The following SCIN variants were observed in gnomAD, a reference collection of about 807,000 sequenced individuals.
The protein encoded by SCIN is scinderin.
In SCIN, 91 loss-of-function variants were observed where a neutral mutation model predicts 91.8. The observed-to-expected ratio is 0.99, with a 90% CI of 0.84 to 1.18. The LOEUF (loss-of-function observed/expected upper bound fraction) is 1.18. Among genes scored for constraint, SCIN ranks in the 50% most tolerant of loss-of-function variants. The probability of loss-of-function intolerance (pLI) is 0.00; values close to 1 mark genes in which losing one functional copy is unlikely to be tolerated. For synonymous variants in SCIN, 367 were observed against 312.6 expected (o/e 1.17, Z -1.84); for missense variants, 1,087 against 863.9 (o/e 1.26, Z -3.24).
rs763343929 is a variant in SCIN at position 12,625,128 on chromosome 7, T to C, written c.878T>C (p.Ile293Thr). The C allele has an allele frequency of 5.2e-5, 84 of 1,608,864 alleles. No homozygotes were observed. Among genetic ancestry groups the C allele is most frequent in the Non-Finnish European group, 7.0e-5 (82 of 1,177,938 alleles). Residue 293 changes from isoleucine to threonine, a missense_variant, in exon 6 of 16, where the codon ATT becomes ACT. Physicochemically the swap from Ile to Thr is moderately conservative, Grantham distance 89. Transcript: ENST00000297029. ...FILDHGAAKQ[I>T]FVWKGKDANP... ...TTGGACCACGGGGCTGCCAAACAAA[T>C]TTTCGTATGGAAAGGTAAAAAATTC...
At position 12,626,771 on chromosome 7, in the gene SCIN, T is replaced by C. The variant is rs1783533850; in HGVS notation, c.1169T>C (p.Met390Thr). The C allele has an allele frequency of 2.5e-6, 4 of 1,609,900 alleles. No homozygotes were observed. The highest frequency in any genetic ancestry group is 2.5e-6 in the Non-Finnish European group (3 of 1,178,120). Residue 390 changes from methionine to threonine, a missense_variant, in exon 8 of 16, where the codon ATG (methionine) becomes ACG (threonine). Met to Thr is a moderately conservative substitution (Grantham distance 81). Coordinates refer to ENST00000297029, the MANE Select transcript of SCIN (RefSeq NM_001112706.3). ...CCGCAGATGGCAGCCCAGCACAATATGGTGGATGATGGTTCTGGCAAAGTG... is the reference window on the plus strand; with the variant it reads ...CCGCAGATGGCAGCCCAGCACAATACGGTGGATGATGGTTCTGGCAAAGTG... ...SSPQMAAQHNMVDDGSGKVEI... is the reference protein window; with the variant it reads ...SSPQMAAQHNTVDDGSGKVEI...
chr7:12,646,625 G>A (rs1783971243), intron 13 of SCIN, among the ~76,000 whole-genome samples: 1 of 151,980 alleles, frequency 6.6e-6, no homozygotes, highest in African/African-American at 2.4e-5. Flanking sequence ...AAAAAAAAAA[G>A]TTATACTTTC....
rs1409508010 is a variant in SCIN at position 12,655,706 on chromosome 7, C to T, written c.*2991C>T. On this transcript the variant is annotated 3_prime_UTR_variant, in exon 16 of 16. Transcript: ENST00000297029. ...CATAGCACAGTATTACTTTTGTAAA[C>T]ATACACAAAAAATATTATATATTTG... 1.3e-5 allele frequency: 2 copies of T among 152,114 alleles called. No homozygotes were observed. Among genetic ancestry groups the T allele is most frequent in the African/African-American group, 4.8e-5 (2 of 41,452 alleles). 9.4% of individuals were successfully genotyped at this position (152,114 alleles called of 1,614,324 possible).
chr7:12,593,888 A>G (rs1782780845), intron 3 of SCIN, among the ~76,000 whole-genome samples: 1 of 152,212 alleles, frequency 6.6e-6, no homozygotes, highest in Non-Finnish European at 1.5e-5. Flanking sequence ...CTCTTCTGGA[A>G]GGAGGGTAGA....
chr7:12,598,074 C>T (rs1415197083), intron 3 of SCIN, among the ~76,000 whole-genome samples: 1 of 152,144 alleles, frequency 6.6e-6, no homozygotes, highest in Non-Finnish European at 1.5e-5. Context: ...GTTTGCTTTA[C>T]AATTTTCAGT....
chr7:12,583,224 G>T (rs1450482318), intron 3 of SCIN, among the ~76,000 whole-genome samples: 1 of 151,626 alleles, frequency 6.6e-6, no homozygotes, highest in Non-Finnish European at 1.5e-5. Flanking sequence ...CTATGATATT[G>T]GGCAACTCAT....
chr7:12,571,290 C>A, intron 1 of SCIN: 1 of 425,240 alleles, frequency 2.4e-6, no homozygotes, highest in Non-Finnish European at 4.3e-6. Context: ...GTCAAGTATC[C>A]AAACGCCACT....
Position 12,650,174 on chromosome 7 carries a change from C to G in SCIN, c.1959+630C>G, listed in dbSNP as rs185992001. Among the ~76,000 whole-genome samples, 391 of 152,254 alleles carry G rather than the reference C, an allele frequency of 2.6e-3. 1 individual carries two copies. Among genetic ancestry groups the G allele is most frequent in the African/African-American group, 9.1e-3 (378 of 41,562 alleles). ...TCTGAATTAGGCCTAGTCGTAGAGTCAAGCACAGAGATTGTTCCTTTTAAG... is the reference window on the plus strand; with the variant it reads ...TCTGAATTAGGCCTAGTCGTAGAGTGAAGCACAGAGATTGTTCCTTTTAAG... On this transcript the variant is annotated intron_variant, in intron 14 of 15. Transcript: ENST00000297029.
At chr7:12,634,128 C>T (rs906642357) in intron 9 of SCIN, among the ~76,000 whole-genome samples, 2 of 151,758 alleles carry the variant, frequency 1.3e-5, no homozygotes, top group South Asian at 2.1e-4. Context: ...TAATCTGTTC[C>T]GAGTATGGAA....
chr7:12,645,877 C>G (rs1783956916), intron 13 of SCIN, among the ~76,000 whole-genome samples: 1 of 152,204 alleles, frequency 6.6e-6, no homozygotes, highest in Non-Finnish European at 1.5e-5. Flanking sequence ...CCTGTGTGAG[C>G]ATGCAGTTGC....
At chr7:12,602,832 ATG>A in intron 3 of SCIN, among the ~76,000 whole-genome samples, 1 of 152,244 alleles carries the variant, frequency 6.6e-6, no homozygotes, top group Non-Finnish European at 1.5e-5. Context: ...GTTCAAACAC[ATG>A]TGTTTTACAA....
At chr7:12,597,781 T>C (rs531539587) in intron 3 of SCIN, among the ~76,000 whole-genome samples, 8 of 152,360 alleles carry the variant, frequency 5.3e-5, no homozygotes, top group African/African-American at 1.9e-4. Flanking sequence ...TCTCATTTCT[T>C]CCTTTTCCAA....
intron 3 of SCIN, among the ~76,000 whole-genome samples, chr7:12,592,979 C>T (rs1377331840): frequency 6.6e-6 from 1 of 152,190 alleles, no homozygotes; most frequent in East Asian, 1.9e-4. Flanking sequence ...GTGGCTAGGC[C>T]AAGGAGCTAT....
rs372057101 is a variant in SCIN at position 12,626,747 on chromosome 7, C to T, written c.1145C>T (p.Pro382Leu). The T allele has an allele frequency of 2.5e-5, 41 of 1,610,382 alleles. No individual in the cohort carries two copies. The highest frequency in any genetic ancestry group is 1.2e-4 in the Admixed American group (7 of 59,598). ...PFDASKLHSS[P>L]QMAAQHNMVD... ...GATGCCTCAAAATTACACAGTTCTC[C>T]GCAGATGGCAGCCCAGCACAATATG... Residue 382 changes from proline to leucine, a missense_variant, in exon 8 of 16, where the codon CCG (proline) becomes CTG (leucine). Physicochemically the swap from Pro to Leu is moderately conservative, Grantham distance 98. Transcript: ENST00000297029.
intron 3 of SCIN, among the ~76,000 whole-genome samples, chr7:12,591,097 A>G (rs912827090): frequency 1.3e-5 from 2 of 152,092 alleles, no homozygotes; most frequent in Non-Finnish European, 2.9e-5. Context: ...GGTTGGTGAG[A>G]GGCTCGGAGG....
At chr7:12,605,014 A>G (rs1783046442) in intron 4 of SCIN, among the ~76,000 whole-genome samples, 3 of 152,210 alleles carry the variant, frequency 2.0e-5, no homozygotes, top group Middle Eastern at 6.8e-3. Context: ...TCTTTCATCT[A>G]TTCATCTGGG....
intron 15 of SCIN, among the ~76,000 whole-genome samples, chr7:12,652,260 T>A (rs1043960544): frequency 2.0e-5 from 3 of 152,226 alleles, no homozygotes; most frequent in Non-Finnish European, 4.4e-5. Flanking sequence ...CAATTTTCCT[T>A]TTACTGAAAC....
In SCIN at chr7:12,644,321, T is replaced by G. The variant is rs1374991962; in HGVS notation, c.1759+6T>G. ...CCAAGAAGGCGAGGAGCCAGGTGTGTGCTCTGGGGCCAAGGGCACTAACTA... is the reference window on the plus strand; with the variant it reads ...CCAAGAAGGCGAGGAGCCAGGTGTGGGCTCTGGGGCCAAGGGCACTAACTA... On this transcript the variant is annotated splice_donor_region_variant and intron_variant, in intron 12 of 15. Transcript: ENST00000297029. 6.3e-7 allele frequency: 1 copy of G among 1,576,148 alleles called. No individual in the cohort carries two copies. The highest frequency in any genetic ancestry group is 8.6e-7 in the Non-Finnish European group (1 of 1,160,246).
chr7:12,652,166 G>C (rs940946018), intron 15 of SCIN, among the ~76,000 whole-genome samples: 7 of 152,142 alleles, frequency 4.6e-5, no homozygotes, highest in Non-Finnish European at 1.0e-4. Flanking sequence ...TTCAACCCTT[G>C]TTTTATTATA....
Sources: allele counts gnomAD v4.1 joint callset (sites outside exome capture counted in the v4.1 genomes callset), GRCh38; gene constraint gnomAD v4.1.1; transcripts MANE v1.5; gene names NCBI Gene and HGNC (gene_info 2026-07-23, HGNC 2026-07-21).